RALGPS2: variants seen among roughly 807,000 people sequenced by gnomAD.
The protein encoded by RALGPS2 is ras-specific guanine nucleotide-releasing factor RalGPS2.
A neutral mutation model predicts 86.8 loss-of-function variants in RALGPS2; 43 were observed. The ratio of observed to expected loss-of-function variants is 0.50; its 90% CI spans 0.39 to 0.64. RALGPS2 has a LOEUF of 0.64. Ranked by LOEUF, RALGPS2 falls within the 30% of genes least tolerant of loss-of-function variation. The pLI is 0.00. For synonymous variants in RALGPS2, 243 were observed against 231.3 expected (o/e 1.05, Z -0.46); for missense variants, 536 against 694.6 (o/e 0.77, Z 2.57).
chr1:178,725,796 C>T (rs1444193110), intron 1 of RALGPS2: 1 of 152,318 alleles, frequency 6.6e-6, no homozygotes, highest in East Asian at 1.9e-4. Context: ...CCCAGCGGCG[C>T]CTCAGTCTTC....
chr1:178,810,656 A>G (rs945592532), intron 5 of RALGPS2, among the ~76,000 whole-genome samples: 1 of 151,968 alleles, frequency 6.6e-6, no homozygotes, highest in Non-Finnish European at 1.5e-5. Flanking sequence ...ATTTACATAT[A>G]TATTTGTAAA....
At chr1:178,762,626 T>G (rs1365564987) in intron 1 of RALGPS2, among the ~76,000 whole-genome samples, 1 of 152,236 alleles carries the variant, frequency 6.6e-6, no homozygotes, top group Non-Finnish European at 1.5e-5. Context: ...CATTTTTTCA[T>G]ATGCTTATTG....
chr1:178,893,808 G>A, intron 15 of RALGPS2, 111 bp from the exon 16 acceptor site: 1 of 712,044 alleles, frequency 1.4e-6, no homozygotes, highest in Non-Finnish European at 2.3e-6. Context: ...TCTCAGCTCT[G>A]AATAAAGTAA....
chr1:178,843,950 A>T (rs1052900094), intron 8 of RALGPS2, among the ~76,000 whole-genome samples: 3 of 152,198 alleles, frequency 2.0e-5, no homozygotes, highest in Non-Finnish European at 4.4e-5. Flanking sequence ...GCTTTGCCTT[A>T]TAGCAAACCG....
At chr1:178,889,558 T>G in intron 13 of RALGPS2, 84 bp from the exon 14 acceptor site, 1 of 888,038 alleles carries the variant, frequency 1.1e-6, no homozygotes, top group Non-Finnish European at 1.9e-6. Flanking sequence ...ATGAGCATAG[T>G]TAATTAATTT....
chr1:178,725,610 G>A (rs2101988975), intron 1 of RALGPS2, 191 bp downstream of exon 1: 1 of 152,006 alleles, frequency 6.6e-6, no homozygotes, highest in South Asian at 2.1e-4. Flanking sequence ...GGCTGAGGGA[G>A]AAGGGCGCTG....
intron 19 of RALGPS2, 147 bp from the exon 20 acceptor site, chr1:178,916,183 A>T: frequency 1.6e-6 from 1 of 622,988 alleles, no homozygotes; most frequent in East Asian, 2.8e-5. Flanking sequence ...TTAATTATTC[A>T]TAAACTATTG....
At chr1:178,756,417 C>G (rs934389445) in intron 1 of RALGPS2, among the ~76,000 whole-genome samples, 2 of 152,114 alleles carry the variant, frequency 1.3e-5, no homozygotes, top group African/African-American at 4.8e-5. Flanking sequence ...AATAGGAAGA[C>G]TTTTCCCATT....
chr1:178,787,050 A>G (rs1249273130), intron 4 of RALGPS2, among the ~76,000 whole-genome samples: 4 of 152,096 alleles, frequency 2.6e-5, no homozygotes, highest in African/African-American at 9.7e-5. Context: ...TAGCAATAGA[A>G]GAAGAACAAT....
intron 1 of RALGPS2, chr1:178,746,705 C>T: frequency 1.3e-6 from 1 of 775,718 alleles, no homozygotes; most frequent in Non-Finnish European, 2.4e-6. Context: ...CAATCTTGGC[C>T]TTTTTCTTTT....
In RALGPS2 at chr1:178,873,489, T is replaced by C. The variant is rs561520857; in HGVS notation, c.608-4009T>C. On this transcript the variant is annotated intron_variant, in intron 8 of 19. Coordinates refer to ENST00000367635, the MANE Select transcript of RALGPS2 (RefSeq NM_152663.5). ...GCACAAATGTGGATCAACAGAAGCT[T>C]ATATACCGTGAGTGGGAGTATGAAT... Among the ~76,000 whole-genome samples the C allele has an allele frequency of 2.2e-4, 34 of 152,316 alleles. No homozygotes were observed. The South Asian group carries it at 6.8e-3, about 31-fold the overall frequency.
At chr1:178,793,213 A>T (rs1190104731) in intron 4 of RALGPS2, among the ~76,000 whole-genome samples, 3 of 152,162 alleles carry the variant, frequency 2.0e-5, no homozygotes, top group Admixed American at 6.5e-5. Flanking sequence ...CTGCTAATAC[A>T]ATCTGTTTCT....
chr1:178,742,541 A>G lies in RALGPS2; in HGVS notation c.-84+17122A>G, dbSNP rs76900923. ...ACTTACTCTTCTCTCAGTAAATGATAGAACAAGCAGACAGAAAATCATAGG... is the reference window on the plus strand; with the variant it reads ...ACTTACTCTTCTCTCAGTAAATGATGGAACAAGCAGACAGAAAATCATAGG... On this transcript the variant is annotated intron_variant, in intron 1 of 19. Coordinates refer to ENST00000367635, the MANE Select transcript of RALGPS2 (RefSeq NM_152663.5). 2.6e-4 allele frequency among the ~76,000 whole-genome samples: 40 copies of G among 152,362 alleles called. No homozygotes were observed. In the East Asian group the frequency reaches 7.7e-3, roughly 29 times the overall value.
At chr1:178,880,204 C>T (rs1659184639) in intron 10 of RALGPS2, among the ~76,000 whole-genome samples, 1 of 152,054 alleles carries the variant, frequency 6.6e-6, no homozygotes, top group African/African-American at 2.4e-5. Flanking sequence ...TATTTTTTAT[C>T]TTCCTTTGGT....
chr1:178,756,415 G>A (rs528970496), intron 1 of RALGPS2, among the ~76,000 whole-genome samples: 111 of 152,194 alleles, frequency 7.3e-4, no homozygotes, highest in Admixed American at 1.6e-3. Context: ...TTAATAGGAA[G>A]ACTTTTCCCA....
intron 1 of RALGPS2, among the ~76,000 whole-genome samples, chr1:178,742,357 A>G (rs1330669789): frequency 6.6e-6 from 1 of 152,172 alleles, no homozygotes; most frequent in African/African-American, 2.4e-5. Context: ...ATTTCCAGGG[A>G]TAAAGGATGT....
At chr1:178,747,476 G>T in intron 1 of RALGPS2, 3 of 1,603,760 alleles carry the variant, frequency 1.9e-6, no homozygotes, top group Non-Finnish European at 2.6e-6. Flanking sequence ...CCAGTACTGT[G>T]CACATTTAAC....
At chr1:178,746,809 C>CTCATTGT (rs1403178646) in intron 1 of RALGPS2, 216 of 1,049,336 alleles carry the variant, frequency 2.1e-4, no homozygotes, top group Non-Finnish European at 2.8e-4. Context: ...GTAGAACACT[C>CTCATTGT]TCATTGTTCT....
intron 8 of RALGPS2, chr1:178,865,657 T>C: frequency 6.2e-7 from 1 of 1,614,080 alleles, no homozygotes; most frequent in East Asian, 2.2e-5. Context: ...CTTTACCATC[T>C]GTGGCACGAG....
Sources: gnomAD v4.1 joint callset for allele counts (sites outside exome capture counted in the v4.1 genomes callset) on GRCh38, gnomAD v4.1.1 for gene constraint, MANE v1.5 for transcripts, NCBI Gene and HGNC (gene_info 2026-07-23, HGNC 2026-07-21) for gene names.